PRKN: variants seen among roughly 807,000 people sequenced by gnomAD.
The protein encoded by PRKN is E3 ubiquitin-protein ligase parkin.
Under a neutral mutation model 59.5 loss-of-function variants are expected in PRKN, and 56 were observed. The ratio of observed to expected loss-of-function variants is 0.94; its 90% CI spans 0.76 to 1.18. PRKN has a LOEUF of 1.18. PRKN is among the 50% of genes most tolerant of loss of function. The pLI is 0.00. For missense variants in PRKN, 657 were observed against 596.4 expected (o/e 1.10, Z -1.06); for synonymous variants, 250 against 222.1 (o/e 1.13, Z -1.12).
At position 162,354,737 on chromosome 6, in the gene PRKN, G is replaced by A. The variant is rs189998919; in HGVS notation, c.171+88573C>T. The stretch of plus-strand genomic sequence containing the variant: ...ACTGAGGAATCTTCCTCTGGACAGT[G>A]CTATCCTCAGATGTTTTACTCTTTG... On this transcript the variant is annotated intron_variant, in intron 2 of 11. Coordinates refer to ENST00000366898, the MANE Select transcript of PRKN (RefSeq NM_004562.3). Among the ~76,000 whole-genome samples, 344 of 152,092 alleles carry A rather than the reference G, an allele frequency of 2.3e-3. 3 individuals carry two copies. Among genetic ancestry groups the A allele is most frequent in the Non-Finnish European group, 2.7e-3 (180 of 67,922 alleles).
At chr6:162,537,889 T>C (rs62429651) in intron 1 of PRKN, among the ~76,000 whole-genome samples, 2,350 of 152,254 alleles carry the variant, frequency 0.015, 26 homozygotes, top group South Asian at 0.034. Flanking sequence ...TCAGGTTCAT[T>C]GTGGGATTTA....
intron 2 of PRKN, among the ~76,000 whole-genome samples, chr6:162,276,766 T>C (rs1780655735): frequency 6.6e-6 from 1 of 152,010 alleles, no homozygotes; most frequent in Non-Finnish European, 1.5e-5. Flanking sequence ...TAGCATGTTA[T>C]ATACTTTTTT....
At chr6:161,455,120 C>A (rs534603817) in intron 9 of PRKN, among the ~76,000 whole-genome samples, 10 of 151,182 alleles carry the variant, frequency 6.6e-5, no homozygotes, top group Non-Finnish European at 1.5e-4. Context: ...CTCACTGCAA[C>A]CTCTGCCCCC....
At chr6:162,306,545 CATTTA>C (rs1427523430) in intron 2 of PRKN, among the ~76,000 whole-genome samples, 1 of 152,166 alleles carries the variant, frequency 6.6e-6, no homozygotes, top group East Asian at 1.9e-4. Flanking sequence ...GAAGATTAAT[CATTTA>C]ATTTGTGTGA....
At chr6:161,990,478 T>C (rs1022646127) in intron 5 of PRKN, among the ~76,000 whole-genome samples, 1 of 152,178 alleles carries the variant, frequency 6.6e-6, no homozygotes, top group Non-Finnish European at 1.5e-5. Flanking sequence ...TGAGATATGA[T>C]AGAACACAAA....
intron 4 of PRKN, among the ~76,000 whole-genome samples, chr6:162,070,408 G>T (rs1296056894): frequency 6.6e-6 from 1 of 152,158 alleles, no homozygotes; most frequent in Non-Finnish European, 1.5e-5. Flanking sequence ...AGTTAGCTGG[G>T]TAAGTTTGAC....
At position 161,691,040 on chromosome 6, in the gene PRKN, T is replaced by TTCCATCCATCCATCCATCCA. The variant is rs111800155; in HGVS notation, c.871+94712_871+94731dup. Among the ~76,000 whole-genome samples, 47 of 145,410 alleles carry TTCCATCCATCCATCCATCCA rather than the reference T, an allele frequency of 3.2e-4. 1 individual carries two copies. Among genetic ancestry groups the TTCCATCCATCCATCCATCCA allele is most frequent in the South Asian group, 7.0e-4 (3 of 4,268 alleles). ...GTCCATCCATCCGTCCTCCTTTCCT[T>TTCCATCCATCCATCCATCCA]TCCATCCATCCATCCATCCATCCAT... On this transcript the variant is annotated intron_variant, in intron 7 of 11. Coordinates refer to ENST00000366898, the MANE Select transcript of PRKN (RefSeq NM_004562.3).
In PRKN at chr6:162,103,688, T is replaced by C. The variant is rs192672533; in HGVS notation, c.535-49514A>G. Among the ~76,000 whole-genome samples the C allele has an allele frequency of 1.5e-4, 22 of 151,330 alleles. No individual in the cohort carries two copies. In the East Asian group the frequency reaches 4.1e-3, roughly 28 times the overall value. On this transcript the variant is annotated intron_variant, in intron 4 of 11. Coordinates refer to ENST00000366898, the MANE Select transcript of PRKN (RefSeq NM_004562.3). ...AACTCCAGAGATGAGAAATTGAAACTAGCACTCAGAGGAACGCCAGGGCAG... is the reference window on the plus strand; with the variant it reads ...AACTCCAGAGATGAGAAATTGAAACCAGCACTCAGAGGAACGCCAGGGCAG...
chr6:162,014,551 C>T (rs1173327376), intron 5 of PRKN, among the ~76,000 whole-genome samples: 2 of 152,162 alleles, frequency 1.3e-5, no homozygotes, highest in Admixed American at 6.5e-5. Flanking sequence ...CATGTCCGCA[C>T]GGATCCACCT....
intron 2 of PRKN, among the ~76,000 whole-genome samples, chr6:162,389,092 T>C (rs924627670): frequency 6.6e-6 from 1 of 151,038 alleles, no homozygotes; most frequent in Non-Finnish European, 1.5e-5. Context: ...TGCTAGCCCT[T>C]CCCGATCACT....
In PRKN at chr6:161,654,030, G is replaced by A. The variant is rs1784248004; in HGVS notation, c.872-84614C>T. Among the ~76,000 whole-genome samples the A allele has an allele frequency of 2.0e-5, 3 of 151,970 alleles. No individual in the cohort carries two copies. The South Asian group carries it at 6.2e-4, about 32-fold the overall frequency. On this transcript the variant is annotated intron_variant, in intron 7 of 11. Coordinates refer to ENST00000366898, the MANE Select transcript of PRKN (RefSeq NM_004562.3). ...TTTTTTTTTTAAAGATGGGGATCTT[G>A]CCATGTTGTTGAGGCTGGTCTCGAC...
At chr6:161,638,762 G>A (rs1348632080) in intron 7 of PRKN, among the ~76,000 whole-genome samples, 1 of 29,426 alleles carries the variant, frequency 3.4e-5, no homozygotes, top group African/African-American at 4.8e-4. Context: ...TTTTTTTTGA[G>A]ACAGACTCTC....
chr6:162,341,134 C>A (rs138000353), intron 2 of PRKN, among the ~76,000 whole-genome samples: 3 of 151,950 alleles, frequency 2.0e-5, no homozygotes, highest in Non-Finnish European at 4.4e-5. Flanking sequence ...GACATTTATG[C>A]GGCCAAGAAA....
chr6:162,109,767 T>C (rs1780343378), intron 4 of PRKN, among the ~76,000 whole-genome samples: 1 of 152,234 alleles, frequency 6.6e-6, no homozygotes, highest in Admixed American at 6.5e-5. Context: ...TGAGCACTTA[T>C]ACAAAGATTG....
chr6:162,422,442 G>A (rs1789018209), intron 2 of PRKN, among the ~76,000 whole-genome samples: 1 of 152,138 alleles, frequency 6.6e-6, no homozygotes, highest in African/African-American at 2.4e-5. Flanking sequence ...CTGCACATGA[G>A]CTGACAGCCT....
At chr6:162,471,172 A>T (rs967271684) in intron 1 of PRKN, among the ~76,000 whole-genome samples, 4 of 151,902 alleles carry the variant, frequency 2.6e-5, no homozygotes, top group African/African-American at 4.8e-5. Flanking sequence ...ATCTTGGCTC[A>T]CCGCAACATC....
At position 161,539,246 on chromosome 6, in the gene PRKN, A is replaced by G. The variant is rs541706097; in HGVS notation, c.1083+9608T>C. Among the ~76,000 whole-genome samples the G allele has an allele frequency of 2.0e-5, 3 of 152,358 alleles. No individual in the cohort carries two copies. In the East Asian group the frequency reaches 5.8e-4, roughly 29 times the overall value. ...ATCACTGATTTGCATTGGCTGCTCA[A>G]TACATTTGGTGACATGTTTCAGAGA... On this transcript the variant is annotated intron_variant, in intron 9 of 11. Coordinates refer to ENST00000366898, the MANE Select transcript of PRKN (RefSeq NM_004562.3).
At chr6:161,583,443 G>T (rs1373228990) in intron 7 of PRKN, among the ~76,000 whole-genome samples, 1 of 151,922 alleles carries the variant, frequency 6.6e-6, no homozygotes, top group African/African-American at 2.4e-5. Context: ...GTTGGTGTCA[G>T]ATTATCATTT....
chr6:162,042,142 A>T (rs186795541), intron 5 of PRKN, among the ~76,000 whole-genome samples: 74 of 152,180 alleles, frequency 4.9e-4, no homozygotes, highest in Admixed American at 3.9e-3. Flanking sequence ...AATGAAATAA[A>T]TTCATTCAAA....
Sources: gnomAD v4.1 joint callset for allele counts (sites outside exome capture counted in the v4.1 genomes callset) on GRCh38, gnomAD v4.1.1 for gene constraint, MANE v1.5 for transcripts, NCBI Gene and HGNC (gene_info 2026-07-23, HGNC 2026-07-21) for gene names.